FAM222B: variants seen among roughly 807,000 people sequenced by gnomAD.
FAM222B encodes the protein protein FAM222B.
A neutral mutation model predicts 38.0 loss-of-function variants in FAM222B; 12 were observed. The observed-to-expected ratio is 0.32, with a 90% CI of 0.20 to 0.51. The LOEUF (loss-of-function observed/expected upper bound fraction) is 0.51, where lower values mean the gene tolerates loss of function less well. Among genes scored for constraint, FAM222B ranks in the 20% least tolerant of loss-of-function variants. FAM222B has a pLI of 0.97. For synonymous variants in FAM222B, 329 were observed against 317.2 expected (o/e 1.04, Z -0.40); for missense variants, 716 against 754.2 (o/e 0.95, Z 0.59).
intron 1 of FAM222B, among the ~76,000 whole-genome samples, chr17:28,767,477 CTTATTTAT>C (rs537058887): frequency 1.3e-5 from 2 of 149,020 alleles, no homozygotes; most frequent in Admixed American, 6.7e-5. Flanking sequence ...CATTTATTTA[CTTATTTAT>C]TTATTTATTT....
intron 1 of FAM222B, among the ~76,000 whole-genome samples, chr17:28,813,853 G>A (rs1015201484): frequency 6.6e-6 from 1 of 151,792 alleles, no homozygotes; most frequent in Non-Finnish European, 1.5e-5. Flanking sequence ...GCATGGAATA[G>A]GACATTTTAA....
At chr17:28,849,763 A>G (rs2039169009) in intron 1 of FAM222B, among the ~76,000 whole-genome samples, 1 of 152,126 alleles carries the variant, frequency 6.6e-6, no homozygotes, top group Non-Finnish European at 1.5e-5. Flanking sequence ...ATAAGGGAAG[A>G]GAAAACAAAA....
intron 1 of FAM222B, among the ~76,000 whole-genome samples, chr17:28,782,973 T>C (rs1035531183): frequency 3.3e-5 from 5 of 151,504 alleles, no homozygotes; most frequent in African/African-American, 1.2e-4. Context: ...CTGTTTCTAC[T>C]AAAAAATACA....
At chr17:28,764,011 T>TAAGGACC (rs1218681681) in intron 2 of FAM222B, among the ~76,000 whole-genome samples, 3 of 152,308 alleles carry the variant, frequency 2.0e-5, no homozygotes, top group African/African-American at 7.2e-5. Flanking sequence ...GAAGATGGTT[T>TAAGGACC]AAGGACCAAG....
chr17:28,841,124 A>G (rs948617859), intron 1 of FAM222B, among the ~76,000 whole-genome samples: 2 of 151,824 alleles, frequency 1.3e-5, no homozygotes, highest in Admixed American at 1.3e-4. Context: ...GTGAAACCCC[A>G]TCTCTACTAA....
chr17:28,822,103 C>T (rs1205494131), intron 1 of FAM222B, among the ~76,000 whole-genome samples: 1 of 150,614 alleles, frequency 6.6e-6, no homozygotes, highest in East Asian at 2.1e-4. Context: ...CTCACTGCAA[C>T]CTCCCCCACC....
At chr17:28,838,843 G>C (rs1264262094) in intron 1 of FAM222B, among the ~76,000 whole-genome samples, 1 of 151,786 alleles carries the variant, frequency 6.6e-6, no homozygotes, top group African/African-American at 2.4e-5. Context: ...GGAGGCAGAC[G>C]TTGCAATCAG....
intron 1 of FAM222B, among the ~76,000 whole-genome samples, chr17:28,839,910 T>C (rs897707029): frequency 2.0e-5 from 3 of 151,524 alleles, no homozygotes; most frequent in African/African-American, 7.3e-5. Context: ...TCACTCCCCT[T>C]ATTTGTGAAT....
chr17:28,838,733 G>T (rs559555519), intron 1 of FAM222B, among the ~76,000 whole-genome samples: 56 of 150,870 alleles, frequency 3.7e-4, no homozygotes, highest in Non-Finnish European at 5.2e-4. Flanking sequence ...ATGGTGAAAC[G>T]TCATCTCTAC....
intron 1 of FAM222B, among the ~76,000 whole-genome samples, chr17:28,769,586 C>A (rs34463441): frequency 6.6e-6 from 1 of 152,092 alleles, no homozygotes; most frequent in African/African-American, 2.4e-5. Flanking sequence ...CGTGAGCCAC[C>A]GCGCCCGGCC....
At chr17:28,768,010 G>A (rs1048436418) in intron 1 of FAM222B, among the ~76,000 whole-genome samples, 1 of 152,174 alleles carries the variant, frequency 6.6e-6, no homozygotes, top group African/African-American at 2.4e-5. Context: ...AAGACCGCAC[G>A]AGTTTCATTA....
intron 1 of FAM222B, among the ~76,000 whole-genome samples, chr17:28,804,108 C>G (rs1409369355): frequency 6.6e-6 from 1 of 152,126 alleles, no homozygotes; most frequent in Non-Finnish European, 1.5e-5. Flanking sequence ...TAACAAAGGT[C>G]AGGTCTCTTC....
intron 1 of FAM222B, among the ~76,000 whole-genome samples, chr17:28,799,195 G>C (rs1029592288): frequency 1.3e-5 from 2 of 150,344 alleles, no homozygotes; most frequent in Non-Finnish European, 3.0e-5. Context: ...GGATAGTGTC[G>C]ATCTCTTGAC....
chr17:28,761,897 T>G (rs2035089519), intron 2 of FAM222B: 1 of 152,178 alleles, frequency 6.6e-6, no homozygotes, highest in Non-Finnish European at 1.5e-5. Flanking sequence ...TAATCTCATA[T>G]AATACTCCTA....
chr17:28,825,470 C>T (rs538915459), intron 1 of FAM222B, among the ~76,000 whole-genome samples: 2 of 146,296 alleles, frequency 1.4e-5, no homozygotes, highest in East Asian at 4.1e-4. Flanking sequence ...CCAAAGGAAA[C>T]GAAACACCTT....
At chr17:28,796,504 G>A (rs766911533) in intron 1 of FAM222B, among the ~76,000 whole-genome samples, 3 of 152,114 alleles carry the variant, frequency 2.0e-5, no homozygotes, top group Non-Finnish European at 4.4e-5. Context: ...ATTTCCCCTG[G>A]ATGCGCTAAA....
At chr17:28,842,022 T>C (rs2039054289) in intron 1 of FAM222B, among the ~76,000 whole-genome samples, 1 of 152,162 alleles carries the variant, frequency 6.6e-6, no homozygotes. Flanking sequence ...TGGTGATACA[T>C]TAACATCAAC....
At chr17:28,819,413 T>C (rs1212549294) in intron 1 of FAM222B, among the ~76,000 whole-genome samples, 1 of 152,152 alleles carries the variant, frequency 6.6e-6, no homozygotes, top group South Asian at 2.1e-4. Context: ...ATTATATATA[T>C]ATTCCATTTT....
At chr17:28,779,879 A>G (rs543973616) in intron 1 of FAM222B, among the ~76,000 whole-genome samples, 1 of 152,314 alleles carries the variant, frequency 6.6e-6, no homozygotes, top group Admixed American at 6.5e-5. Context: ...CATAAAGGCC[A>G]TATACGACAA....
Sources: gnomAD v4.1 joint callset for allele counts (sites outside exome capture counted in the v4.1 genomes callset) on GRCh38, gnomAD v4.1.1 for gene constraint, MANE v1.5 for transcripts, NCBI Gene and HGNC (gene_info 2026-07-23, HGNC 2026-07-21) for gene names.